SETDB1: variants seen among roughly 807,000 people sequenced by gnomAD.
SETDB1 encodes histone-lysine N-methyltransferase SETDB1.
SETDB1 carries 31 observed loss-of-function variants against 137.4 expected under a neutral mutation model. That is an observed-to-expected ratio of 0.23 (90% CI 0.17 to 0.30). The LOEUF is 0.30. Ranked by LOEUF, SETDB1 falls within the 10% of genes least tolerant of loss-of-function variation. SETDB1 has a pLI of 1.00. For missense variants in SETDB1, 1,113 were observed against 1,631.5 expected, an observed-to-expected ratio of 0.68 and a Z score of 5.47; for synonymous variants, 548 against 579.9, an observed-to-expected ratio of 0.95 and a Z score of 0.79.
intron 20 of SETDB1, 42 bp downstream of exon 20, chr1:150,963,783 T>C (rs1407365170): frequency 1.9e-6 from 3 of 1,580,648 alleles, no homozygotes; most frequent in East Asian, 2.2e-5. Context: ...GATTATCCCA[T>C]GGTCCTCAGA....
intron 14 of SETDB1, among the ~76,000 whole-genome samples, chr1:150,957,019 A>C (rs1670661290): frequency 1.3e-5 from 2 of 151,952 alleles, no homozygotes; most frequent in African/African-American, 4.8e-5. Context: ...TAGGAGACTG[A>C]GGCAGGAGGA....
intron 13 of SETDB1, 33 bp from the exon 14 acceptor site, chr1:150,951,332 C>A: frequency 6.9e-7 from 1 of 1,457,646 alleles, no homozygotes; most frequent in Non-Finnish European, 9.6e-7. Flanking sequence ...CTGATCCCCC[C>A]GCTCCTTTCC....
chr1:150,944,641 C>T (rs587700168), intron 8 of SETDB1, among the ~76,000 whole-genome samples: 4 of 152,292 alleles, frequency 2.6e-5, no homozygotes, highest in South Asian at 2.1e-4. Flanking sequence ...AGAATTTCCA[C>T]TTGAATTTTC....
chr1:150,930,004 T>C lies in SETDB1; in HGVS notation c.298T>C (p.Tyr100His), dbSNP rs771712309. 1.9e-6 allele frequency: 3 copies of C among 1,614,022 alleles called. No individual in the cohort carries two copies. Among genetic ancestry groups the C allele is most frequent in the Admixed American group, 3.3e-5 (2 of 59,982 alleles). The change falls in exon 3 of 22, where the codon TAC becomes CAC. Residue 100 changes from tyrosine to histidine, a missense_variant. Physicochemically the swap from Tyr to His is moderately conservative, Grantham distance 83 (BLOSUM62 2). Transcript: ENST00000692827. ...TTGTGAGTCTTTGGTGAAGGACTTC[T>C]ACTCCAAGCTGGGACTACAATACCG... is the stretch of plus-strand genomic sequence containing the variant. ...TNCESLVKDF[Y>H]SKLGLQYRDS...
chr1:150,945,348 TTTTC>T, intron 9 of SETDB1: 2 of 1,386,778 alleles, frequency 1.4e-6, no homozygotes, highest in Non-Finnish European at 1.9e-6. Context: ...TATTTATTTT[TTTTC>T]TTTAGGAGTA....
intron 20 of SETDB1, 58 bp from the exon 21 acceptor site, chr1:150,963,932 TCTCCC>T: frequency 6.7e-7 from 1 of 1,491,536 alleles, no homozygotes. Flanking sequence ...CAACTCTCAC[TCTCCC>T]TGCAAAGCCA....
intron 3 of SETDB1, among the ~76,000 whole-genome samples, chr1:150,938,095 C>T (rs1026430188): frequency 9.9e-5 from 15 of 151,892 alleles, no homozygotes; most frequent in Admixed American, 2.0e-4. Context: ...GTGGCGCGTG[C>T]CTGTAACCCC....
intron 16 of SETDB1, chr1:150,961,608 C>A (rs149625793): frequency 5.2e-6 from 1 of 193,690 alleles, no homozygotes; most frequent in Non-Finnish European, 1.1e-5. Flanking sequence ...GAGCCGAGAT[C>A]GCACCACTGC....
rs587758936 is a variant in SETDB1, at chr1:150,939,594, G to C, written c.413-346G>C. On this transcript the variant is annotated intron_variant, in intron 3 of 21. Transcript: ENST00000692827. ...CCCACCTTGGCCTTCCAAAGTGCTG[G>C]GATTACAGGCATGAGCCACTGCGCC... Among the ~76,000 whole-genome samples the C allele has an allele frequency of 5.3e-5, 8 of 152,142 alleles. No individual in the cohort carries two copies. The East Asian group carries it at 1.4e-3, about 26-fold the overall frequency.
chr1:150,933,779 CTTTTTTTT>C (rs890205371), intron 3 of SETDB1, among the ~76,000 whole-genome samples: 3 of 20,114 alleles, frequency 1.5e-4, no homozygotes, highest in African/African-American at 2.7e-4. Flanking sequence ...TTTTCTTTTT[CTTTTTTTT>C]TTTTTTTTTT....
intron 4 of SETDB1, among the ~76,000 whole-genome samples, chr1:150,940,667 A>G (rs1392139626): frequency 6.6e-6 from 1 of 152,000 alleles, no homozygotes; most frequent in African/African-American, 2.4e-5. Flanking sequence ...CGGCAGTTCA[A>G]GAGCAGCCTA....
intron 8 of SETDB1, 37 bp downstream of exon 8, chr1:150,944,030 T>C (rs766389147): frequency 1.3e-5 from 18 of 1,349,376 alleles, no homozygotes; most frequent in Non-Finnish European, 1.9e-5. Context: ...CTCAGTTTTC[T>C]CCTCTACCTT....
At chr1:150,942,820 T>C in intron 6 of SETDB1, 32 bp from the exon 7 acceptor site, 1 of 1,608,290 alleles carries the variant, frequency 6.2e-7, no homozygotes, top group Non-Finnish European at 8.5e-7. Flanking sequence ...ACTGGCAGTG[T>C]TTAAAAAGAT....
chr1:150,963,543 T>C lies in SETDB1; in HGVS notation c.3474T>C (p.Arg1158=). The change falls in exon 20 of 22, where the codon CGT becomes CGC. Residue 1158 remains arginine, a synonymous_variant. Coordinates refer to ENST00000692827, the MANE Select transcript of SETDB1 (RefSeq NM_001366418.1). ...DKKNMTGPMK[R]QVAVKSTRGF... ...CCTCCTGTCCAGGTCCAATGAAGCG[T>C]CAAGTGGCAGTAAAATCAACCCGAG... 6.2e-7 allele frequency: 1 copy of C among 1,612,848 alleles called. No homozygotes were observed. Among genetic ancestry groups the C allele is most frequent in the Non-Finnish European group, 8.5e-7 (1 of 1,179,182 alleles).
intron 3 of SETDB1, among the ~76,000 whole-genome samples, chr1:150,931,187 G>C (rs1211818934): frequency 6.7e-6 from 1 of 148,174 alleles, no homozygotes; most frequent in Non-Finnish European, 1.5e-5. Flanking sequence ...TTAAGCATAG[G>C]AAGTTGAGGC....
At chr1:150,936,975 A>T (rs1484397555) in intron 3 of SETDB1, among the ~76,000 whole-genome samples, 1 of 152,152 alleles carries the variant, frequency 6.6e-6, no homozygotes, top group Non-Finnish European at 1.5e-5. Flanking sequence ...AAATACAAAA[A>T]TTAGCTGGGT....
intron 2 of SETDB1, among the ~76,000 whole-genome samples, chr1:150,929,507 T>C (rs1669657362): frequency 6.6e-6 from 1 of 151,684 alleles, no homozygotes; most frequent in Admixed American, 6.6e-5. Flanking sequence ...GCCTCCGGAG[T>C]AGCTGGGACG....
At chr1:150,964,223 C>T in intron 21 of SETDB1, 24 bp from the exon 22 acceptor site, 4 of 1,600,852 alleles carry the variant, frequency 2.5e-6, no homozygotes, top group Non-Finnish European at 3.4e-6. Context: ...CTTTGCCACA[C>T]ACCATCCTTT....
chr1:150,960,895 A>C lies in SETDB1; in HGVS notation c.2836A>C (p.Lys946Gln). Residue 946 changes from lysine (K) to glutamine (Q), a missense_variant, in exon 16 of 22, where the codon AAG (lysine) becomes CAG (glutamine). Around this residue, in one of 11 missense-constraint regions of SETDB1, gnomAD observed 373 missense variants for 412.7 expected, o/e 0.90. Coordinates refer to ENST00000692827, the MANE Select transcript of SETDB1 (RefSeq NM_001366418.1). ...GAACGGACTCTCTGAGACAACTTCC[A>C]AGGACTCCCACCCCCCAGATCTTGG... ...KENGLSETTS[K>Q]DSHPPDLGPP... 1 of 1,612,308 alleles carries C rather than the reference A, an allele frequency of 6.2e-7. No individual in the cohort carries two copies. Among genetic ancestry groups the C allele is most frequent in the Non-Finnish European group, 8.5e-7 (1 of 1,178,976 alleles).
Sources: gnomAD v4.1 joint callset for allele counts (sites outside exome capture counted in the v4.1 genomes callset) on GRCh38, gnomAD v4.1.1 for gene constraint, gnomAD v4.1.1 regional missense constraint, MANE v1.5 for transcripts, NCBI Gene and HGNC (gene_info 2026-07-23, HGNC 2026-07-21) for gene names.